DPY19L2: variants seen among roughly 807,000 people sequenced by gnomAD.
DPY19L2 encodes dpy-19 like 2.
DPY19L2 carries 34 observed loss-of-function variants against 97.9 expected under a neutral mutation model. The ratio of observed to expected loss-of-function variants is 0.35; its 90% CI spans 0.26 to 0.46. The LOEUF (loss-of-function observed/expected upper bound fraction) is 0.46. DPY19L2 is among the 20% of genes least tolerant of loss of function. DPY19L2 has a pLI of 1.00. For missense variants in DPY19L2, 623 were observed against 911.4 expected (o/e 0.68, Z 4.07); for synonymous variants, 230 against 307.9 (o/e 0.75, Z 2.65).
At chr12:63,665,658 T>G (rs1896249580) in intron 2 of DPY19L2, among the ~76,000 whole-genome samples, 177 bp downstream of exon 2, 2 of 152,278 alleles carry the variant, frequency 1.3e-5, no homozygotes, top group Admixed American at 6.5e-5. Flanking sequence ...TGCATCTATT[T>G]TGTAAATGCT....
chr12:63,603,241 C>A (rs1218815729), intron 12 of DPY19L2, among the ~76,000 whole-genome samples: 6 of 152,152 alleles, frequency 3.9e-5, no homozygotes, highest in African/African-American at 2.4e-5. Flanking sequence ...AAAAAAAGTA[C>A]ACGAAAGGAA....
chr12:63,600,611 C>CTTTT (rs71434019), intron 12 of DPY19L2, among the ~76,000 whole-genome samples: 2,288 of 110,530 alleles, frequency 0.021, 74 homozygotes, highest in African/African-American at 0.061. Context: ...TATCCTAAAT[C>CTTTT]TTTTTTTTTT....
rs1173062196 is a variant in DPY19L2 at position 63,621,316 on chromosome 12, C to A, written c.975G>T (p.Arg325Ser). ...LILRTSSNDRRPFIALCLSNV... is the reference protein window; with the variant it reads ...LILRTSSNDRSPFIALCLSNV... ...TGGAAAGACAGAGTGCAATGAAGGG[C>A]CTTCTATCATTGCTTGAGGTCCTTA... The change falls in exon 9 of 22, where the codon AGG becomes AGT. Residue 325 changes from arginine to serine, a missense_variant. Arg to Ser is a moderately radical substitution (Grantham distance 110, BLOSUM62 -1). This residue lies in a region of DPY19L2 where 67 missense variants were observed against 88.0 expected (regional missense o/e 0.76). Transcript: ENST00000324472. The A allele has an allele frequency of 5.1e-6, 5 of 981,966 alleles. No individual in the cohort carries two copies. The highest frequency in any genetic ancestry group is 7.8e-6 in the Non-Finnish European group (5 of 639,316). The allele number at this position is 981,966 out of a possible 1,614,324, so 60.8% of individuals were successfully genotyped here.
At chr12:63,623,565 C>G (rs1889043237) in intron 8 of DPY19L2, among the ~76,000 whole-genome samples, 1 of 152,030 alleles carries the variant, frequency 6.6e-6, no homozygotes, top group African/African-American at 2.4e-5. Flanking sequence ...GTAGCCTACA[C>G]TCTTAAATGG....
chr12:63,627,056 C>T (rs983493038), intron 6 of DPY19L2, among the ~76,000 whole-genome samples: 25 of 152,154 alleles, frequency 1.6e-4, no homozygotes, highest in African/African-American at 4.8e-4. Flanking sequence ...AGATTACAGG[C>T]GTGAGCCACT....
intron 4 of DPY19L2, among the ~76,000 whole-genome samples, chr12:63,654,906 T>G (rs1444015692): frequency 6.6e-6 from 1 of 152,114 alleles, no homozygotes; most frequent in Non-Finnish European, 1.5e-5. Context: ...TCAGAATCCC[T>G]CTGTCAAAAA....
chr12:63,607,929 G>A (rs1264360587), intron 12 of DPY19L2, among the ~76,000 whole-genome samples: 1 of 151,708 alleles, frequency 6.6e-6, no homozygotes, highest in East Asian at 1.9e-4. Flanking sequence ...CAGTGTGTGT[G>A]GCCCAAGGTT....
intron 4 of DPY19L2, among the ~76,000 whole-genome samples, chr12:63,658,854 A>C (rs534580975): frequency 6.6e-6 from 1 of 152,280 alleles, no homozygotes; most frequent in East Asian, 1.9e-4. Context: ...ACTAAACCAT[A>C]ATGACAAAAA....
Position 63,600,264 on chromosome 12 carries a change from A to T in DPY19L2, c.1359+42T>A, listed in dbSNP as rs1175878185. ...GGTTTCAAAGTTTTCATTCAGCTACATATTTATAAGAACTTTCATGTTTTA... is the reference window on the plus strand; with the variant it reads ...GGTTTCAAAGTTTTCATTCAGCTACTTATTTATAAGAACTTTCATGTTTTA... On this transcript the variant is annotated intron_variant, in intron 13 of 21. Transcript: ENST00000324472. The T allele has an allele frequency of 2.0e-6, 3 of 1,500,500 alleles. No individual in the cohort carries two copies. The African/African-American group carries it at 4.1e-5, about 21-fold the overall frequency. 92.9% of individuals were successfully genotyped at this position (1,500,500 alleles called of 1,614,324 possible). A position where few individuals can be genotyped will look rare whatever the true frequency, so the allele number is the denominator to read the frequency against.
chr12:63,656,993 C>T (rs1263957320), intron 4 of DPY19L2, among the ~76,000 whole-genome samples: 1 of 152,044 alleles, frequency 6.6e-6, no homozygotes, highest in African/African-American at 2.4e-5. Flanking sequence ...CCAGTTGTTC[C>T]AATATCTGTA....
chr12:63,623,829 C>T (rs1592611114), intron 8 of DPY19L2: 3 of 393,846 alleles, frequency 7.6e-6, no homozygotes, highest in Admixed American at 3.6e-5. Flanking sequence ...CTCAGCCTCC[C>T]AAGTAGCTGG....
intron 7 of DPY19L2, among the ~76,000 whole-genome samples, chr12:63,625,713 G>A (rs555916830): frequency 6.6e-6 from 1 of 152,218 alleles, no homozygotes; most frequent in East Asian, 1.9e-4. Flanking sequence ...GAGGGAGCAG[G>A]TGGCAGTGTC....
intron 20 of DPY19L2, among the ~76,000 whole-genome samples, chr12:63,570,243 C>T (rs892807030): frequency 6.6e-6 from 1 of 152,118 alleles, no homozygotes; most frequent in Non-Finnish European, 1.5e-5. Context: ...TTCTCATAAT[C>T]GACTAGTAAA....
chr12:63,583,466 C>T (rs7307373), intron 17 of DPY19L2, among the ~76,000 whole-genome samples: 29,860 of 152,116 alleles, frequency 0.2, 4,210 homozygotes, highest in African/African-American at 0.42. Flanking sequence ...AGCAAATCTA[C>T]GTGGTGGCAG....
chr12:63,660,219 TA>T (rs1433937304), intron 4 of DPY19L2, among the ~76,000 whole-genome samples: 6 of 151,952 alleles, frequency 3.9e-5, no homozygotes, highest in African/African-American at 1.4e-4. Flanking sequence ...AAGGAAACCA[TA>T]CAAAAGTGTA....
chr12:63,582,021 G>A (rs1209093287), intron 18 of DPY19L2, among the ~76,000 whole-genome samples: 6 of 149,912 alleles, frequency 4.0e-5, no homozygotes, highest in African/African-American at 2.5e-5. Flanking sequence ...GGCTGGTCTC[G>A]AACTCCTGGC....
At chr12:63,565,190 T>C (rs1375578719) in intron 21 of DPY19L2, among the ~76,000 whole-genome samples, 3 of 152,198 alleles carry the variant, frequency 2.0e-5, no homozygotes, top group Non-Finnish European at 4.4e-5. Context: ...TGCTTTTCAT[T>C]TGTGGTGTTT....
chr12:63,654,586 C>T (rs895183292), intron 4 of DPY19L2, among the ~76,000 whole-genome samples: 26 of 152,094 alleles, frequency 1.7e-4, no homozygotes, highest in African/African-American at 5.8e-4. Context: ...ACAAGGAACT[C>T]GCTTCAAATA....
rs1326961131 is a variant in DPY19L2, at chr12:63,663,753, C to T, written c.450+5G>A. On this transcript the variant is annotated splice_donor_5th_base_variant and intron_variant, in intron 3 of 21. Coordinates refer to ENST00000324472, the MANE Select transcript of DPY19L2 (RefSeq NM_173812.5). ...AAATTAATTCATTAGAAGAAGAAAC[C>T]TAACCATTTCAGTGCGAAAAGTCAT... is the stretch of plus-strand genomic sequence containing the variant. 1.9e-6 allele frequency: 3 copies of T among 1,596,100 alleles called. No homozygotes were observed. The highest frequency in any genetic ancestry group is 2.6e-6 in the Non-Finnish European group (3 of 1,174,244).
Sources: gnomAD v4.1 joint callset for allele counts (sites outside exome capture counted in the v4.1 genomes callset) on GRCh38, gnomAD v4.1.1 for gene constraint, gnomAD v4.1.1 regional missense constraint, MANE v1.5 for transcripts, NCBI Gene and HGNC (gene_info 2026-07-23, HGNC 2026-07-21) for gene names.